Variants in FSTL4 observed in about 807,000 individuals in gnomAD.
FSTL4 encodes follistatin-related protein 4.
FSTL4 carries 28 observed loss-of-function variants against 78.2 expected under a neutral mutation model. That is an observed-to-expected ratio of 0.36 (90% CI 0.27 to 0.49). FSTL4 has a LOEUF of 0.49. Among genes scored for constraint, FSTL4 ranks in the 20% least tolerant of loss-of-function variants. FSTL4 has a pLI of 0.98. For missense variants in FSTL4, 922 were observed against 1,084.9 expected (o/e 0.85, Z 2.11); for synonymous variants, 422 against 440.5 (o/e 0.96, Z 0.53).
intron 6 of FSTL4, among the ~76,000 whole-genome samples, chr5:133,282,233 A>T (rs762501944): frequency 1.3e-5 from 2 of 152,138 alleles, no homozygotes; most frequent in Non-Finnish European, 2.9e-5. Flanking sequence ...GCTTCCAAGC[A>T]GAGGAAACAG....
At chr5:133,531,847 A>T (rs780795134) in intron 3 of FSTL4, among the ~76,000 whole-genome samples, 13 of 152,120 alleles carry the variant, frequency 8.5e-5, no homozygotes, top group Non-Finnish European at 1.9e-4. Context: ...GTAGGACACA[A>T]CCCTTCAATA....
chr5:133,293,556 A>G (rs1227315059), intron 6 of FSTL4, among the ~76,000 whole-genome samples: 2 of 152,194 alleles, frequency 1.3e-5, no homozygotes, highest in South Asian at 4.1e-4. Context: ...TGAGGCATCC[A>G]TATGACTGAG....
At chr5:133,763,094 T>G in the FSTL4 span, among the ~76,000 whole-genome samples, 1 of 151,928 alleles carries the variant, frequency 6.6e-6, no homozygotes, top group Non-Finnish European at 1.5e-5. Context: ...ACCTCAGGAG[T>G]CCTAGGAATG....
intron 3 of FSTL4, among the ~76,000 whole-genome samples, chr5:133,496,641 G>A (rs1758371828): frequency 6.6e-6 from 1 of 152,184 alleles, no homozygotes; most frequent in African/African-American, 2.4e-5. Context: ...CATGATGAAT[G>A]TCATGGGAGG....
the FSTL4 span, among the ~76,000 whole-genome samples, chr5:133,711,021 TC>T: frequency 2.0e-5 from 3 of 152,322 alleles, no homozygotes; most frequent in African/African-American, 7.2e-5. Flanking sequence ...AGAGCCTCTC[TC>T]TTCTGAGCCT....
intron 7 of FSTL4, among the ~76,000 whole-genome samples, chr5:133,237,851 G>A (rs1425504597): frequency 8.2e-6 from 1 of 121,272 alleles, no homozygotes; most frequent in Non-Finnish European, 1.6e-5. Flanking sequence ...CTTTATGGAT[G>A]GCTTTTTTTT....
At chr5:133,837,238 T>A in the FSTL4 span, among the ~76,000 whole-genome samples, 1 of 152,108 alleles carries the variant, frequency 6.6e-6, no homozygotes, top group Non-Finnish European at 1.5e-5. Flanking sequence ...GAAGTCTCAG[T>A]TATTGATTTC....
the FSTL4 span, among the ~76,000 whole-genome samples, chr5:133,663,936 G>A: frequency 6.6e-6 from 1 of 152,216 alleles, no homozygotes; most frequent in Non-Finnish European, 1.5e-5. Context: ...GCCAGTGTGG[G>A]GAGCCCTGTG....
chr5:133,512,903 C>T (rs1012488213), intron 3 of FSTL4, among the ~76,000 whole-genome samples: 7 of 152,140 alleles, frequency 4.6e-5, no homozygotes, highest in African/African-American at 1.7e-4. Context: ...CTGCAACCTC[C>T]ACTTTCCAGG....
At chr5:133,345,621 G>A (rs1161427758) in intron 4 of FSTL4, among the ~76,000 whole-genome samples, 2 of 151,936 alleles carry the variant, frequency 1.3e-5, no homozygotes, top group East Asian at 1.9e-4. Context: ...GAAGGAGTCC[G>A]GCCAACAAAC....
intron 5 of FSTL4, among the ~76,000 whole-genome samples, chr5:133,314,045 A>G (rs1414535135): frequency 6.6e-6 from 1 of 152,132 alleles, no homozygotes. Flanking sequence ...CCAGGTTAGA[A>G]TGAAGTGCCT....
chr5:133,570,404 C>T (rs1028337452), intron 2 of FSTL4, among the ~76,000 whole-genome samples: 15 of 152,048 alleles, frequency 9.9e-5, no homozygotes, highest in Non-Finnish European at 1.9e-4. Flanking sequence ...CTCACTGCAA[C>T]CTCTGCCTCC....
At chr5:133,745,056 T>C in the FSTL4 span, among the ~76,000 whole-genome samples, 1 of 152,230 alleles carries the variant, frequency 6.6e-6, no homozygotes, top group Non-Finnish European at 1.5e-5. Context: ...TCTTCCCGTC[T>C]GTGCCAGGAA....
intron 2 of FSTL4, among the ~76,000 whole-genome samples, chr5:133,602,379 G>A (rs1760888766): frequency 6.6e-6 from 1 of 152,130 alleles, no homozygotes; most frequent in Non-Finnish European, 1.5e-5. Flanking sequence ...GAGGCCCTGG[G>A]TTGATATTAA....
chr5:133,563,114 T>A (rs148460011), intron 3 of FSTL4, among the ~76,000 whole-genome samples: 1 of 152,146 alleles, frequency 6.6e-6, no homozygotes, highest in African/African-American at 2.4e-5. Flanking sequence ...CAGGCATGAA[T>A]ATCCAGGGTC....
the FSTL4 span, among the ~76,000 whole-genome samples, chr5:133,794,885 C>T: frequency 2.6e-5 from 4 of 152,160 alleles, no homozygotes; most frequent in Non-Finnish European, 5.9e-5. Flanking sequence ...ATTCCTGGAC[C>T]TCTCAAGGAA....
At chr5:133,546,057 T>A (rs1474790158) in intron 3 of FSTL4, among the ~76,000 whole-genome samples, 1 of 152,190 alleles carries the variant, frequency 6.6e-6, no homozygotes, top group Admixed American at 6.5e-5. Context: ...AGAAGAAATA[T>A]CTAAGTGTCA....
the FSTL4 span, among the ~76,000 whole-genome samples, chr5:133,668,168 G>T: frequency 4.6e-3 from 699 of 152,248 alleles, 9 homozygotes; most frequent in African/African-American, 0.016. Context: ...TCCTGGGCTC[G>T]CTGCACAGGG....
the FSTL4 span, among the ~76,000 whole-genome samples, chr5:133,786,253 T>C: frequency 6.6e-6 from 1 of 152,176 alleles, no homozygotes; most frequent in Non-Finnish European, 1.5e-5. Context: ...TCCTGGACCA[T>C]CCCACTTTTC....
Sources: allele counts gnomAD v4.1 joint callset (sites outside exome capture counted in the v4.1 genomes callset), GRCh38; gene constraint gnomAD v4.1.1; transcripts MANE v1.5; gene names NCBI Gene and HGNC (gene_info 2026-07-23, HGNC 2026-07-21).